Variants in RP1 observed in about 807,000 individuals in gnomAD.
RP1 encodes the protein oxygen-regulated protein 1.
A neutral mutation model predicts 14.8 loss-of-function variants in RP1; 16 were observed. The ratio of observed to expected loss-of-function variants is 1.08; its 90% CI spans 0.73 to 1.65. The LOEUF is 1.65. Ranked by LOEUF, RP1 falls within the 40% of genes most tolerant of loss-of-function variation. The pLI is 0.00. For missense variants in RP1, 2,631 were observed against 2,535.0 expected (o/e 1.04, Z -0.81); for synonymous variants, 876 against 883.6 (o/e 0.99, Z 0.15).
At chr8:54,810,414 A>C (rs547506496) in intron 24 of RP1, among the ~76,000 whole-genome samples, 2 of 152,234 alleles carry the variant, frequency 1.3e-5, no homozygotes, top group South Asian at 2.1e-4. Flanking sequence ...CCACCACTCT[A>C]TCTTTTGCTT....
At chr8:54,839,112 T>C (rs1447329215) in intron 25 of RP1, among the ~76,000 whole-genome samples, 2 of 152,202 alleles carry the variant, frequency 1.3e-5, no homozygotes, top group Non-Finnish European at 2.9e-5. Context: ...TCTTTGACTG[T>C]TTCATCCAAG....
In RP1 at chr8:54,652,878, T is replaced by C. The variant is rs142116129; in HGVS notation, c.1038+12T>C. Reference sequence around the variant, plus strand: ...GGCACTGCAAGGAGGTAAGGATATATCAACACTTTCCCATTCTTTGCAAAA... The same window carrying C: ...GGCACTGCAAGGAGGTAAGGATATACCAACACTTTCCCATTCTTTGCAAAA... On this transcript the variant is annotated intron_variant, in intron 5 of 22. Transcript: ENST00000636932. 1.4e-3 allele frequency: 2,096 copies of C among 1,523,432 alleles called. 29 individuals are homozygous for C. In the African/African-American group the frequency reaches 0.026, roughly 19 times the overall value. 94.4% of individuals were successfully genotyped at this position (1,523,432 alleles called of 1,614,324 possible). A position where few individuals can be genotyped will look rare whatever the true frequency, so the allele number is the denominator to read the frequency against.
intron 24 of RP1, among the ~76,000 whole-genome samples, chr8:54,802,111 T>TAAG (rs1408408733): frequency 1.3e-5 from 2 of 152,124 alleles, no homozygotes; most frequent in African/African-American, 4.8e-5. Context: ...GCCAGGCAAA[T>TAAG]AAGATGTTAT....
chr8:54,734,267 C>A (rs1808859877), intron 17 of RP1, among the ~76,000 whole-genome samples: 1 of 152,054 alleles, frequency 6.6e-6, no homozygotes, highest in Non-Finnish European at 1.5e-5. Flanking sequence ...GTTTGCCTTC[C>A]TGTGCTATAG....
intron 27 of RP1, among the ~76,000 whole-genome samples, chr8:54,862,496 A>G (rs556993785): frequency 2.6e-5 from 4 of 152,240 alleles, no homozygotes; most frequent in African/African-American, 9.6e-5. Flanking sequence ...TGTCCATAAT[A>G]TTTAGGGTAA....
chr8:54,674,748 G>T (rs1807257180), intron 8 of RP1, among the ~76,000 whole-genome samples: 1 of 152,030 alleles, frequency 6.6e-6, no homozygotes, highest in Non-Finnish European at 1.5e-5. Context: ...AAAATTATGA[G>T]TAAGATTAAT....
chr8:54,831,742 C>A (rs549002743), intron 24 of RP1, among the ~76,000 whole-genome samples: 7 of 151,710 alleles, frequency 4.6e-5, no homozygotes, highest in African/African-American at 1.4e-4. Context: ...TTTACTATAT[C>A]CATGCTCCTC....
chr8:54,679,494 C>T (rs947269417), exon 10 of RP1: 92 of 1,535,630 alleles, frequency 6.0e-5, no homozygotes, highest in Admixed American at 4.3e-4. Flanking sequence ...ATCTTCTCTG[C>T]GAGTAGGTAT....
chr8:54,835,947 A>G (rs1811645953), intron 24 of RP1, among the ~76,000 whole-genome samples: 1 of 152,118 alleles, frequency 6.6e-6, no homozygotes. Flanking sequence ...TTTCTACGTG[A>G]TAGAATTCCT....
At chr8:54,562,031 A>G (rs1166263632) in intron 1 of RP1, 3 of 152,244 alleles carry the variant, frequency 2.0e-5, no homozygotes, top group African/African-American at 4.8e-5. Flanking sequence ...CAGAAGGTAT[A>G]TGAAATTGAC....
At chr8:54,810,636 A>G (rs1439524253) in intron 24 of RP1, among the ~76,000 whole-genome samples, 2 of 152,214 alleles carry the variant, frequency 1.3e-5, no homozygotes, top group African/African-American at 4.8e-5. Flanking sequence ...CAGAAAGGTA[A>G]ATTTCACATT....
chr8:54,625,328 G>C lies in RP1; in HGVS notation c.1446G>C (p.Gln482His), dbSNP rs896782410. ...AGGTTCAAGAGAAAATGATTGGACA[G>C]TTTTCATATAGTGAAGAAAGGGAAA... is the stretch of plus-strand genomic sequence containing the variant. ...ETEVQEKMIG[Q>H]FSYSEERESG... The change falls in exon 4 of 4, where the codon CAG (glutamine) becomes CAC (histidine). Residue 482 changes from glutamine to histidine, a missense_variant. By Grantham distance (24) the Gln-to-His change is conservative (BLOSUM62 0). Transcript: ENST00000220676. 4 of 1,614,050 alleles carry C rather than the reference G, an allele frequency of 2.5e-6. No individual in the cohort carries two copies. Among genetic ancestry groups the C allele is most frequent in the Non-Finnish European group, 3.4e-6 (4 of 1,180,040 alleles).
At chr8:54,676,532 A>G (rs969527389) in intron 8 of RP1, among the ~76,000 whole-genome samples, 1 of 152,214 alleles carries the variant, frequency 6.6e-6, no homozygotes, top group African/African-American at 2.4e-5. Flanking sequence ...AGTAAGATAA[A>G]TGATTACTGC....
rs1415642223 is a variant in RP1, at chr8:54,625,372, A to G, written c.1490A>G (p.Glu497Gly). The G allele has an allele frequency of 1.2e-6, 2 of 1,614,014 alleles. No individual in the cohort carries two copies. The highest frequency in any genetic ancestry group is 4.5e-5 in the East Asian group (2 of 44,886). The change falls in exon 4 of 4, where the codon GAG becomes GGG. Residue 497 changes from glutamate to glycine, a missense_variant. Glu to Gly is a moderately conservative substitution (Grantham distance 98). Transcript: ENST00000220676. ...AGGGAAAGTGGGGAAAACAAGTCTGAGTATCACATGTTTACACATTCTTGC... is the reference window on the plus strand; with the variant it reads ...AGGGAAAGTGGGGAAAACAAGTCTGGGTATCACATGTTTACACATTCTTGC... ...EERESGENKSEYHMFTHSCSK... is the reference protein window; with the variant it reads ...EERESGENKSGYHMFTHSCSK...
At chr8:54,798,385 T>C (rs1440097640) in intron 24 of RP1, among the ~76,000 whole-genome samples, 1 of 152,092 alleles carries the variant, frequency 6.6e-6, no homozygotes, top group African/African-American at 2.4e-5. Flanking sequence ...CCCAAGGTAA[T>C]GAACAAAGAG....
At chr8:54,710,676 A>G (rs756271133) in intron 15 of RP1, among the ~76,000 whole-genome samples, 1 of 152,280 alleles carries the variant, frequency 6.6e-6, no homozygotes, top group Admixed American at 6.5e-5. Context: ...GGGGAGCTGG[A>G]AAAAGGATGG....
chr8:54,726,324 C>A, intron 16 of RP1: 2 of 1,513,338 alleles, frequency 1.3e-6, no homozygotes, highest in African/African-American at 1.4e-5. Context: ...AGGATGGCAT[C>A]TTTTAAAATC....
At chr8:54,820,989 T>C (rs551323122) in intron 24 of RP1, among the ~76,000 whole-genome samples, 1 of 151,932 alleles carries the variant, frequency 6.6e-6, no homozygotes, top group Non-Finnish European at 1.5e-5. Context: ...GGAGATGGCT[T>C]AGAAACAAAA....
intron 24 of RP1, among the ~76,000 whole-genome samples, chr8:54,800,916 TTTG>T (rs1420588815): frequency 2.0e-5 from 3 of 152,316 alleles, no homozygotes; most frequent in South Asian, 2.1e-4. Flanking sequence ...CCTTGTAGGT[TTTG>T]TTGTTGTTGT....
Sources: gnomAD v4.1 joint callset for allele counts (sites outside exome capture counted in the v4.1 genomes callset) on GRCh38, gnomAD v4.1.1 for gene constraint, MANE v1.5 for transcripts, NCBI Gene and HGNC (gene_info 2026-07-23, HGNC 2026-07-21) for gene names.